Variants in ADAMTS14 observed in about 807,000 individuals in gnomAD.
ADAMTS14 encodes the protein ADAM metallopeptidase with thrombospondin type 1 motif 14, also known as A disintegrin and metalloproteinase with thrombospondin motifs 14.
ADAMTS14 carries 100 observed loss-of-function variants against 128.6 expected under a neutral mutation model. That is an observed-to-expected ratio of 0.78 (90% CI 0.66 to 0.92). The LOEUF is 0.92. Ranked by LOEUF, ADAMTS14 falls within the 40% of genes least tolerant of loss-of-function variation. The pLI, the probability that ADAMTS14 is intolerant of heterozygous loss-of-function variation, is 0.00. For synonymous variants in ADAMTS14, 665 were observed against 653.8 expected (o/e 1.02, Z -0.26); for missense variants, 1,562 against 1,658.6 (o/e 0.94, Z 1.01).
intron 2 of ADAMTS14, among the ~76,000 whole-genome samples, chr10:70,701,342 C>A (rs1840486284): frequency 6.6e-6 from 1 of 152,224 alleles, no homozygotes; most frequent in African/African-American, 2.4e-5. Context: ...CGCTCCCAGT[C>A]CTTGGTATGT....
In ADAMTS14 at chr10:70,760,606, A is replaced by G; in HGVS notation, c.3425A>G (p.Asp1142Gly). ...CCTGGAAAGCCAACGGGATCAGAGG[A>G]CCATCAGCATGGCCGAGCCACACAG... ...EPPGKPTGSE[D>G]HQHGRATQLP... Residue 1142 changes from aspartate to glycine, a missense_variant, in exon 22 of 22, where the codon GAC becomes GGC. Transcript: ENST00000373207. 3 of 1,614,036 alleles carry G rather than the reference A, an allele frequency of 1.9e-6. No individual in the cohort carries two copies. Among genetic ancestry groups the G allele is most frequent in the Non-Finnish European group, 2.5e-6 (3 of 1,179,996 alleles).
intron 4 of ADAMTS14, among the ~76,000 whole-genome samples, chr10:70,717,865 T>C (rs1399777242): frequency 1.3e-5 from 2 of 152,190 alleles, no homozygotes; most frequent in Non-Finnish European, 2.9e-5. Flanking sequence ...TACATAGATG[T>C]TGGGGTGGTT....
chr10:70,739,754 AC>A (rs1841938952), intron 11 of ADAMTS14, among the ~76,000 whole-genome samples: 1 of 152,216 alleles, frequency 6.6e-6, no homozygotes. Context: ...TTGTAGGGTC[AC>A]AGTGGCTCTG....
Position 70,683,474 on chromosome 10 carries a change from G to T in ADAMTS14, c.522+8479G>T, listed in dbSNP as rs546292069. Among the ~76,000 whole-genome samples the T allele has an allele frequency of 7.2e-5, 11 of 152,316 alleles. No individual in the cohort carries two copies. The South Asian group carries it at 2.3e-3, about 32-fold the overall frequency. Reference sequence around the variant, plus strand: ...AGAGGAAGTCACTGCTTCGTGATTGGGGCAATGTGAGGGCCTGGAGGACAC... The same window carrying T: ...AGAGGAAGTCACTGCTTCGTGATTGTGGCAATGTGAGGGCCTGGAGGACAC... On this transcript the variant is annotated intron_variant, in intron 2 of 21. Transcript: ENST00000373207.
chr10:70,684,504 T>G (rs1839899694), intron 2 of ADAMTS14, among the ~76,000 whole-genome samples: 1 of 152,248 alleles, frequency 6.6e-6, no homozygotes, highest in East Asian at 1.9e-4. Context: ...GAGGACAAGT[T>G]GCAGCCATCT....
chr10:70,752,115 G>A lies in ADAMTS14; in HGVS notation c.2617G>A (p.Gly873Ser), dbSNP rs781518398. 3.3e-5 allele frequency: 53 copies of A among 1,612,872 alleles called. 1 individual carries two copies. The East Asian group carries it at 5.8e-4, about 18-fold the overall frequency. ...CGGGIQFTKYGCRRRRDHHMV... is the reference protein window; with the variant it reads ...CGGGIQFTKYSCRRRRDHHMV... ...CATAGGGATCCAGTTCACCAAATAC[G>A]GCTGCCGGCGCAGACGAGACCACCA... is the stretch of plus-strand genomic sequence containing the variant. The change falls in exon 18 of 22, where the codon GGC becomes AGC. Residue 873 changes from glycine (G) to serine (S), a missense_variant. Transcript: ENST00000373207.
intron 7 of ADAMTS14, among the ~76,000 whole-genome samples, 166 bp downstream of exon 7, chr10:70,732,525 G>C (rs1381727273): frequency 6.6e-6 from 1 of 152,248 alleles, no homozygotes; most frequent in Admixed American, 6.5e-5. Flanking sequence ...GTTACCAGTA[G>C]AGGGAGGCCC....
intron 2 of ADAMTS14, among the ~76,000 whole-genome samples, chr10:70,684,778 C>T (rs937429663): frequency 1.6e-4 from 25 of 152,238 alleles, no homozygotes; most frequent in Non-Finnish European, 1.0e-4. Context: ...CAGGGCTCTT[C>T]CCCCTGCTTT....
intron 4 of ADAMTS14, 34 bp from the exon 5 acceptor site, chr10:70,729,260 T>C (rs1346946079): frequency 8.9e-6 from 14 of 1,581,652 alleles, no homozygotes; most frequent in Non-Finnish European, 1.1e-5. Flanking sequence ...GTAATGAATG[T>C]TTCCTTCCCT....
chr10:70,692,947 A>G (rs747119613), intron 2 of ADAMTS14, among the ~76,000 whole-genome samples: 8 of 152,204 alleles, frequency 5.3e-5, no homozygotes, highest in Non-Finnish European at 1.0e-4. Flanking sequence ...CAATTTATAA[A>G]GAAGAATTTT....
At chr10:70,751,794 G>A (rs180955840) in intron 17 of ADAMTS14, 148 bp downstream of exon 17, 19 of 1,169,550 alleles carry the variant, frequency 1.6e-5, no homozygotes, top group East Asian at 7.8e-5. Context: ...GTGGAAGCCC[G>A]TTTTGGGCAG....
chr10:70,693,653 G>C (rs764391751), intron 2 of ADAMTS14, among the ~76,000 whole-genome samples: 1 of 152,156 alleles, frequency 6.6e-6, no homozygotes, highest in Non-Finnish European at 1.5e-5. Context: ...GGAACTCTCT[G>C]GCTCTAGGGT....
At chr10:70,752,275 C>CG (rs746790331) in intron 18 of ADAMTS14, 48 bp downstream of exon 18, 2 of 1,601,088 alleles carry the variant, frequency 1.2e-6, no homozygotes. Context: ...ATGCCTAGCC[C>CG]GGGCCCCAGG....
At chr10:70,727,831 C>G (rs757324011) in intron 4 of ADAMTS14, among the ~76,000 whole-genome samples, 90 of 152,280 alleles carry the variant, frequency 5.9e-4, no homozygotes, top group Middle Eastern at 3.4e-3. Flanking sequence ...CGCGGTGGCT[C>G]ACGCCTGTAA....
At chr10:70,713,796 G>A (rs777510696) in intron 4 of ADAMTS14, among the ~76,000 whole-genome samples, 3 of 152,158 alleles carry the variant, frequency 2.0e-5, no homozygotes, top group Non-Finnish European at 2.9e-5. Flanking sequence ...CAAAGCATGC[G>A]GACAGGAAGA....
intron 4 of ADAMTS14, among the ~76,000 whole-genome samples, chr10:70,724,851 T>C (rs965904565): frequency 2.6e-5 from 4 of 152,108 alleles, no homozygotes; most frequent in African/African-American, 7.2e-5. Context: ...TTATTTAGTA[T>C]AAGAAAAGAC....
rs1364214445 is a variant in ADAMTS14 at position 70,760,485 on chromosome 10, C to G, written c.3304C>G (p.Pro1102Ala). The G allele has an allele frequency of 6.2e-7, 1 of 1,613,978 alleles. No individual in the cohort carries two copies. The highest frequency in any genetic ancestry group is 8.5e-7 in the Non-Finnish European group (1 of 1,179,982). ...SCIKKASGPN[P>A]GPDPGPTSLP... ...CATCAAGAAGGCCTCGGGCCCCAACCCTGGCCCAGACCCTGGCCCAACCTC... is the reference window on the plus strand; with the variant it reads ...CATCAAGAAGGCCTCGGGCCCCAACGCTGGCCCAGACCCTGGCCCAACCTC... The change falls in exon 22 of 22, where the codon CCT becomes GCT. Residue 1102 changes from proline (P) to alanine (A), a missense_variant. Physicochemically the swap from Pro to Ala is conservative, Grantham distance 27 (BLOSUM62 -1). Transcript: ENST00000373207.
At chr10:70,687,965 A>ACC (rs1258101292) in intron 2 of ADAMTS14, among the ~76,000 whole-genome samples, 15 of 29,120 alleles carry the variant, frequency 5.2e-4, no homozygotes, top group East Asian at 1.9e-3. Context: ...CGGGGGGCTG[A>ACC]CCCCCCCCCC....
chr10:70,680,786 C>T (rs1281468176), intron 2 of ADAMTS14, among the ~76,000 whole-genome samples: 7 of 152,158 alleles, frequency 4.6e-5, no homozygotes, highest in Admixed American at 1.3e-4. Flanking sequence ...GGACTACAGG[C>T]GTGCACCACC....
Sources: gnomAD v4.1 joint callset for allele counts (sites outside exome capture counted in the v4.1 genomes callset) on GRCh38, gnomAD v4.1.1 for gene constraint, MANE v1.5 for transcripts, NCBI Gene and HGNC (gene_info 2026-07-23, HGNC 2026-07-21) for gene names.